Variants in ASPH observed in about 807,000 individuals in gnomAD.
The protein encoded by ASPH is aspartate beta-hydroxylase.
In ASPH, 100 loss-of-function variants were observed where a neutral mutation model predicts 118.4. The observed-to-expected ratio is 0.84, with a 90% CI of 0.72 to 1.00. ASPH has a LOEUF of 1.00. ASPH is among the 50% of genes least tolerant of loss of function. The pLI, the probability that ASPH is intolerant of heterozygous loss-of-function variation, is 0.00. For missense variants in ASPH, 920 were observed against 919.5 expected (o/e 1.00, Z -0.01); for synonymous variants, 315 against 325.6 (o/e 0.97, Z 0.35).
chr8:61,682,391 A>C (rs750898658), intron 2 of ASPH: 26 of 1,561,368 alleles, frequency 1.7e-5, no homozygotes, highest in Non-Finnish European at 2.3e-5. Flanking sequence ...AGGATGAGCC[A>C]TTAGAGAGTA....
intron 16 of ASPH, among the ~76,000 whole-genome samples, chr8:61,574,764 C>T (rs1834573091): frequency 6.6e-6 from 1 of 152,114 alleles, no homozygotes. Flanking sequence ...TTGATGGGTG[C>T]AGCAAACCAC....
rs1480992034 is a variant in ASPH at position 61,548,193 on chromosome 8, C to T, written c.1642G>A (p.Glu548Lys). Residue 548 changes from glutamate to lysine, a missense_variant, in exon 21 of 25, where the codon GAG (glutamate) becomes AAG (lysine). By Grantham distance (56) the Glu-to-Lys change is moderately conservative. Transcript: ENST00000379454. ...AAGTGTCCTCTCTTGTGCCCAAGCT[C>T]ATACCACTTATATGCCTGAAGGAAC... is the stretch of plus-strand genomic sequence containing the variant. ...VGNKEAYKWY[E>K]LGHKRGHFAS... 1.9e-6 allele frequency: 3 copies of T among 1,613,590 alleles called. No individual in the cohort carries two copies. The African/African-American group carries it at 4.0e-5, about 22-fold the overall frequency.
intron 13 of ASPH, chr8:61,624,816 T>C (rs978049826): frequency 3.8e-5 from 37 of 985,488 alleles, no homozygotes; most frequent in Non-Finnish European, 4.3e-5. Flanking sequence ...AAAAAGTAGC[T>C]TCTATAATTC....
intron 14 of ASPH, among the ~76,000 whole-genome samples, chr8:61,595,717 GAAATAA>G (rs1842335992): frequency 6.6e-6 from 1 of 152,166 alleles, no homozygotes; most frequent in South Asian, 2.1e-4. Context: ...CACACACAGG[GAAATAA>G]AAATAAGAAT....
At chr8:61,526,207 G>T in intron 21 of ASPH, 95 bp from the exon 22 acceptor site, 1 of 1,488,570 alleles carries the variant, frequency 6.7e-7, no homozygotes. Flanking sequence ...TCTCAGAAAG[G>T]AACTAATTCT....
At chr8:61,517,261 C>A (rs937767086) in intron 24 of ASPH, 15 of 396,064 alleles carry the variant, frequency 3.8e-5, no homozygotes, top group African/African-American at 3.0e-4. Flanking sequence ...TCTGTCTACC[C>A]AGAGAGAGAA....
chr8:61,537,784 G>T (rs1820200709), intron 21 of ASPH, among the ~76,000 whole-genome samples: 1 of 152,102 alleles, frequency 6.6e-6, no homozygotes, highest in Admixed American at 6.5e-5. Context: ...ACGTTGTGCT[G>T]TAAGTTCCCA....
At chr8:61,676,028 C>T (rs995655827) in intron 3 of ASPH, 2 of 1,587,652 alleles carry the variant, frequency 1.3e-6, no homozygotes, top group Non-Finnish European at 1.7e-6. Flanking sequence ...AAAAAGGAGG[C>T]TGCTTCAGGT....
At chr8:61,550,903 C>T (rs1825764685) in intron 20 of ASPH, among the ~76,000 whole-genome samples, 1 of 152,064 alleles carries the variant, frequency 6.6e-6, no homozygotes, top group African/African-American at 2.4e-5. Flanking sequence ...CATAGCTGGC[C>T]CTGACTAGAC....
intron 24 of ASPH, among the ~76,000 whole-genome samples, chr8:61,504,452 T>A (rs1461220281): frequency 6.6e-6 from 1 of 152,242 alleles, no homozygotes; most frequent in African/African-American, 2.4e-5. Flanking sequence ...GATTTCAAGT[T>A]ACTATATTAT....
intron 22 of ASPH, among the ~76,000 whole-genome samples, chr8:61,525,300 T>C (rs1354879680): frequency 1.3e-5 from 2 of 152,068 alleles, no homozygotes; most frequent in Admixed American, 1.3e-4. Context: ...GAGTCTTAAA[T>C]GCTCCTCATT....
chr8:61,682,414 T>A (rs1431714501), intron 2 of ASPH: 1 of 1,608,188 alleles, frequency 6.2e-7, no homozygotes, highest in Admixed American at 1.7e-5. Context: ...ACACGTAGAC[T>A]TGAAATGCAA....
chr8:61,535,817 C>T (rs556952456), intron 21 of ASPH, among the ~76,000 whole-genome samples: 1 of 152,230 alleles, frequency 6.6e-6, no homozygotes, highest in East Asian at 1.9e-4. Context: ...AAACAACATC[C>T]CAGGATGGCG....
chr8:61,638,651 G>A (rs886661549), intron 10 of ASPH, among the ~76,000 whole-genome samples: 3 of 152,120 alleles, frequency 2.0e-5, no homozygotes, highest in South Asian at 4.1e-4. Flanking sequence ...AGCCGAAGCT[G>A]TACCCTGGGA....
chr8:61,636,330 A>C (rs1323518063), intron 12 of ASPH, among the ~76,000 whole-genome samples: 1 of 152,180 alleles, frequency 6.6e-6, no homozygotes, highest in Admixed American at 6.5e-5. Context: ...GATTTAAGAA[A>C]TGTTTAGGGA....
chr8:61,533,435 G>A (rs1336898849), intron 21 of ASPH, among the ~76,000 whole-genome samples: 12 of 151,828 alleles, frequency 7.9e-5, no homozygotes, highest in Admixed American at 6.6e-4. Context: ...ACATTTTCTC[G>A]ATTTCCCACA....
chr8:61,575,655 CTGTAT>C (rs1554647045), intron 16 of ASPH, among the ~76,000 whole-genome samples: 1 of 152,108 alleles, frequency 6.6e-6, no homozygotes, highest in Non-Finnish European at 1.5e-5. Flanking sequence ...AGAATGTTCA[CTGTAT>C]TGTATTGTAA....
At chr8:61,523,958 G>T (rs1814235481) in intron 22 of ASPH, among the ~76,000 whole-genome samples, 1 of 152,160 alleles carries the variant, frequency 6.6e-6, no homozygotes, top group African/African-American at 2.4e-5. Context: ...CAGGTATGTA[G>T]ACGCACACAT....
In ASPH at chr8:61,574,503, G is replaced by A. The variant is rs561290700; in HGVS notation, c.1149+2269C>T. Among the ~76,000 whole-genome samples the A allele has an allele frequency of 4.6e-5, 7 of 152,270 alleles. No homozygotes were observed. In the East Asian group the frequency reaches 1.3e-3, roughly 29 times the overall value. ...GAAAATGTGGCACATATACACCATG[G>A]AATACTATGCAGCCATAAAAACGGA... On this transcript the variant is annotated intron_variant, in intron 16 of 24. Transcript: ENST00000379454.
Sources: allele counts gnomAD v4.1 joint callset (sites outside exome capture counted in the v4.1 genomes callset), GRCh38; gene constraint gnomAD v4.1.1; transcripts MANE v1.5; gene names NCBI Gene and HGNC (gene_info 2026-07-23, HGNC 2026-07-21).